CR1: variants seen among roughly 807,000 people sequenced by gnomAD.
The protein encoded by CR1 is complement receptor type 1.
A neutral mutation model predicts 187.3 loss-of-function variants in CR1; 116 were observed. That is an observed-to-expected ratio of 0.62 (90% confidence interval 0.53 to 0.72). The LOEUF (loss-of-function observed/expected upper bound fraction) is 0.72. Ranked by LOEUF, CR1 falls within the 30% of genes least tolerant of loss-of-function variation. CR1 has a pLI of 0.00. For missense variants in CR1, 1,731 were observed against 2,110.7 expected, an observed-to-expected ratio of 0.82 and a Z score of 3.52; for synonymous variants, 576 against 747.1, an observed-to-expected ratio of 0.77 and a Z score of 3.73.
At chr1:207,619,744 AT>A in intron 42 of CR1, 135 bp from the exon 43 acceptor site, 2 of 668,118 alleles carry the variant, frequency 3.0e-6, no homozygotes, top group South Asian at 3.8e-5. Flanking sequence ...GAGGAGGAAG[AT>A]TAGTAACATG....
chr1:207,616,419 T>C (rs2102393967), intron 40 of CR1, among the ~76,000 whole-genome samples, 156 bp from the exon 41 acceptor site: 1 of 152,350 alleles, frequency 6.6e-6, no homozygotes, highest in Non-Finnish European at 1.5e-5. Context: ...GTTAGTTGCC[T>C]CTCAACAAAA....
intron 1 of CR1, among the ~76,000 whole-genome samples, chr1:207,498,224 G>A (rs1423274658): frequency 9.2e-5 from 14 of 152,184 alleles, no homozygotes; most frequent in Admixed American, 8.5e-4. Context: ...CCCCATGCAT[G>A]TCTGAAAAAC....
intron 4 of CR1, among the ~76,000 whole-genome samples, chr1:207,518,917 C>T (rs1659885360): frequency 6.6e-6 from 1 of 152,200 alleles, no homozygotes; most frequent in South Asian, 2.1e-4. Context: ...TTATTCAACC[C>T]ATTACAATCC....
chr1:207,506,062 G>T lies in CR1; in HGVS notation c.280G>T (p.Gly94Cys). ...CTGCCTAAAAAACTCAGTCTGGACT[G>T]GTGCTAAGGACAGGTGCAGACGTAA... is the stretch of plus-strand genomic sequence containing the variant. The part of the protein sequence containing the change: ...IICLKNSVWT[G>C]AKDRCRRKSC... Residue 94 changes from glycine to cysteine, a missense_variant, in exon 2 of 47, where the codon GGT becomes TGT. By Grantham distance (159) the Gly-to-Cys change is radical (BLOSUM62 -3). Transcript: ENST00000367049. 6.2e-7 allele frequency: 1 copy of T among 1,613,912 alleles called. No homozygotes were observed. The highest frequency in any genetic ancestry group is 8.5e-7 in the Non-Finnish European group (1 of 1,179,854).
At chr1:207,597,818 C>G (rs1181209485) in intron 35 of CR1, among the ~76,000 whole-genome samples, 1 of 152,092 alleles carries the variant, frequency 6.6e-6, no homozygotes, top group African/African-American at 2.4e-5. Flanking sequence ...CAGCTTTGTT[C>G]AAAATAGCCA....
rs138420683 is a variant in CR1 at position 207,508,412 on chromosome 1, A to G, written c.401+1599A>G. 2.6e-3 allele frequency among the ~76,000 whole-genome samples: 390 copies of G among 152,346 alleles called. 2 individuals are homozygous for G. The highest frequency in any genetic ancestry group is 4.6e-3 in the Non-Finnish European group (312 of 68,032). ...TATAGGGGCAGGGAGTACATAGGAA[A>G]TCTCTGTATCTTCTGTTCATTATTG... On this transcript the variant is annotated intron_variant, in intron 3 of 46. Coordinates refer to ENST00000367049, the MANE Select transcript of CR1 (RefSeq NM_000651.6).
chr1:207,565,455 T>A (rs1455745378), intron 23 of CR1, among the ~76,000 whole-genome samples: 1 of 150,170 alleles, frequency 6.7e-6, no homozygotes, highest in Non-Finnish European at 1.5e-5. Flanking sequence ...CTGTTTTACT[T>A]GCTGTTCCAG....
chr1:207,496,278 C>T lies in CR1; in HGVS notation c.11C>T (p.Ser4Phe). 1 of 1,613,886 alleles carries T rather than the reference C, an allele frequency of 6.2e-7. No homozygotes were observed. The highest frequency in any genetic ancestry group is 8.5e-7 in the Non-Finnish European group (1 of 1,179,846). The change falls in exon 1 of 47, where the codon TCT becomes TTT. Residue 4 changes from serine to phenylalanine, a missense_variant. This residue lies in a region of CR1 where 237 missense variants were observed against 240.4 expected (regional missense o/e 0.99). Coordinates refer to ENST00000367049, the MANE Select transcript of CR1 (RefSeq NM_000651.6). ...ATGTGCTTGGGGAGAATGGGGGCCTCTTCTCCAAGAAGCCCGGAGCCTGTC... is the reference window on the plus strand; with the variant it reads ...ATGTGCTTGGGGAGAATGGGGGCCTTTTCTCCAAGAAGCCCGGAGCCTGTC... MGASSPRSPEPVGP... is the reference protein window; with the variant it reads MGAFSPRSPEPVGP...
chr1:207,627,622 G>A (rs1248141929), intron 45 of CR1, among the ~76,000 whole-genome samples: 2 of 152,164 alleles, frequency 1.3e-5, no homozygotes, highest in Non-Finnish European at 2.9e-5. Context: ...GATTCAATAA[G>A]CATTTAAGCT....
At chr1:207,590,927 A>G (rs186796290) in intron 35 of CR1, among the ~76,000 whole-genome samples, 29 of 152,360 alleles carry the variant, frequency 1.9e-4, no homozygotes, top group Admixed American at 1.8e-3. Flanking sequence ...TATGCACCCA[A>G]TACAGGAGCA....
At chr1:207,638,963 C>A (rs1180970569) in intron 46 of CR1, among the ~76,000 whole-genome samples, 1 of 152,204 alleles carries the variant, frequency 6.6e-6, no homozygotes, top group Non-Finnish European at 1.5e-5. Context: ...TGGTAACTGG[C>A]TCATTCCCTG....
Position 207,565,968 on chromosome 1 carries a change from C to G in CR1, c.3952+45C>G, listed in dbSNP as rs373766180. 6.5e-5 allele frequency: 104 copies of G among 1,607,378 alleles called. 1 individual carries two copies. The highest frequency in any genetic ancestry group is 8.2e-5 in the Non-Finnish European group (97 of 1,176,924). ...TTTCAGGCCAATCTCTCCCCTTCAT[C>G]TGTTCACTATTTGTCCTATGGCCTC... On this transcript the variant is annotated intron_variant, in intron 24 of 46. Transcript: ENST00000367049.
chr1:207,621,708 G>C (rs1200869871), intron 43 of CR1, among the ~76,000 whole-genome samples: 1 of 152,094 alleles, frequency 6.6e-6, no homozygotes, highest in African/African-American at 2.4e-5. Context: ...CATTTTTTGG[G>C]TATGAGGATT....
intron 36 of CR1, 122 bp downstream of exon 36, chr1:207,607,458 T>G: frequency 2.9e-6 from 2 of 698,360 alleles, no homozygotes; most frequent in Admixed American, 4.9e-5. Context: ...AAAATAGGAG[T>G]CAGATGCTTC....
At chr1:207,578,288 G>T in intron 29 of CR1, 85 bp downstream of exon 29, 2 of 1,609,102 alleles carry the variant, frequency 1.2e-6, no homozygotes, top group East Asian at 2.2e-5. Flanking sequence ...TAAGGGGGAG[G>T]TATGTATGGT....
rs753825642 is a variant in CR1, at chr1:207,511,590, G to A, written c.423G>A (p.Ser141=). The A allele has an allele frequency of 4.3e-5, 70 of 1,612,876 alleles. No individual in the cohort carries two copies. Among genetic ancestry groups the A allele is most frequent in the Admixed American group, 2.2e-4 (13 of 59,948 alleles). The change falls in exon 4 of 47, where the codon TCG becomes TCA. Residue 141 remains serine, a synonymous_variant. Coordinates refer to ENST00000367049, the MANE Select transcript of CR1 (RefSeq NM_000651.6). ...CTAGATACCGACTCATTGGTTCCTC[G>A]TCTGCCACATGCATCATCTCAGGTG... is the stretch of plus-strand genomic sequence containing the variant. ...CTKGYRLIGS[S]SATCIISGDT...
chr1:207,603,983 A>G (rs1661679218), intron 35 of CR1, among the ~76,000 whole-genome samples: 1 of 152,206 alleles, frequency 6.6e-6, no homozygotes, highest in Non-Finnish European at 1.5e-5. Flanking sequence ...CTTTCAGTAC[A>G]TATTGCCAAA....
chr1:207,610,295 G>C (rs986773219), intron 37 of CR1, among the ~76,000 whole-genome samples: 3 of 152,056 alleles, frequency 2.0e-5, no homozygotes, highest in African/African-American at 7.2e-5. Flanking sequence ...TTCAGATTGA[G>C]GCTCAAATTC....
intron 35 of CR1, among the ~76,000 whole-genome samples, chr1:207,603,193 A>C (rs1661654280): frequency 6.6e-6 from 1 of 152,108 alleles, no homozygotes; most frequent in South Asian, 2.1e-4. Flanking sequence ...TTGATACCAG[A>C]TCAGAGGTGG....
Sources: gnomAD v4.1 joint callset for allele counts (sites outside exome capture counted in the v4.1 genomes callset) on GRCh38, gnomAD v4.1.1 for gene constraint, gnomAD v4.1.1 regional missense constraint, MANE v1.5 for transcripts, NCBI Gene and HGNC (gene_info 2026-07-23, HGNC 2026-07-21) for gene names.